CLECL1: variants seen among roughly 807,000 people sequenced by gnomAD.
The protein encoded by CLECL1 is C-type lectin-like domain family 1.
chr12:9,710,093 A>C, the CLECL1 span, among the ~76,000 whole-genome samples: 23 of 152,254 alleles, frequency 1.5e-4, no homozygotes, highest in African/African-American at 5.1e-4. Flanking sequence ...TTCTTTCAAC[A>C]GAGTGAAACA....
At chr12:9,729,934 G>C (rs1866426518) in intron 1 of CLECL1, among the ~76,000 whole-genome samples, 1 of 151,700 alleles carries the variant, frequency 6.6e-6, no homozygotes, top group Non-Finnish European at 1.5e-5. Context: ...TATGATCACT[G>C]TCTGTGTCTC....
intron 1 of CLECL1, among the ~76,000 whole-genome samples, chr12:9,732,554 T>C (rs999895121): frequency 6.6e-6 from 1 of 152,262 alleles, no homozygotes; most frequent in Non-Finnish European, 1.5e-5. Context: ...ACAATATGAG[T>C]AAATTGCCAC....
chr12:9,716,839 A>G lies in CLECL1; in HGVS notation n.153-63T>C, dbSNP rs542779330. ...TTCCCAAAACATTTGAGGCAAAACT[A>G]CTGAATGGATTATTATGGGACCATC... On this transcript the variant is annotated intron_variant and non_coding_transcript_variant, in intron 2 of 2. Transcript: ENST00000540988. The G allele has an allele frequency of 1.4e-4, 134 of 928,048 alleles. No individual in the cohort carries two copies. In the African/African-American group the frequency reaches 2.1e-3, roughly 14 times the overall value. 57.5% of individuals were successfully genotyped at this position (928,048 alleles called of 1,614,324 possible).
the CLECL1 span, among the ~76,000 whole-genome samples, chr12:9,708,271 C>T: frequency 1.3e-5 from 2 of 152,168 alleles, no homozygotes; most frequent in African/African-American, 4.8e-5. Context: ...GAATCTCTCC[C>T]ATTTTTGCCC....
upstream of CLECL1, among the ~76,000 whole-genome samples, chr12:9,734,026 C>T (rs922099292): frequency 3.9e-5 from 6 of 152,144 alleles, no homozygotes; most frequent in South Asian, 2.1e-4. Context: ...CCTGTGAAAC[C>T]GTCATAGGAC....
downstream of CLECL1, among the ~76,000 whole-genome samples, chr12:9,711,781 C>T (rs1207448746): frequency 6.6e-6 from 1 of 152,110 alleles, no homozygotes; most frequent in African/African-American, 2.4e-5. Context: ...CTTCTGGTCT[C>T]ATCTATGGGC....
upstream of CLECL1, among the ~76,000 whole-genome samples, chr12:9,734,150 T>C (rs1866488165): frequency 2.6e-5 from 4 of 152,262 alleles, no homozygotes; most frequent in South Asian, 8.3e-4. Context: ...AAGTGCATTC[T>C]GCAGAATTAA....
chr12:9,728,801 C>G (rs2121061877), intron 2 of CLECL1, among the ~76,000 whole-genome samples: 1 of 152,078 alleles, frequency 6.6e-6, no homozygotes, highest in Non-Finnish European at 1.5e-5. Flanking sequence ...GGGCTTCAGA[C>G]TGCTCATCTA....
chr12:9,722,751 C>G, exon 4 of CLECL1: 1 of 1,613,790 alleles, frequency 6.2e-7, no homozygotes, highest in African/African-American at 1.3e-5. Flanking sequence ...TAACATTTTC[C>G]CTTATGCACC....
At chr12:9,710,410 A>G in the CLECL1 span, among the ~76,000 whole-genome samples, 1 of 151,952 alleles carries the variant, frequency 6.6e-6, no homozygotes, top group Non-Finnish European at 1.5e-5. Flanking sequence ...CCATATTCTC[A>G]TGGCAGTTAG....
upstream of CLECL1, chr12:9,733,170 C>T (rs779484191): frequency 6.2e-7 from 1 of 1,613,938 alleles, no homozygotes; most frequent in Admixed American, 1.7e-5. Context: ...GGACTTCCTC[C>T]ATGAATAAAT....
At chr12:9,722,790 G>A in exon 4 of CLECL1, 2 of 1,611,204 alleles carry the variant, frequency 1.2e-6, no homozygotes, top group African/African-American at 1.3e-5. Flanking sequence ...CATGATTTAT[G>A]GACAGTAGAA....
chr12:9,731,841 C>T (rs1046890315), intron 1 of CLECL1, among the ~76,000 whole-genome samples: 6 of 152,084 alleles, frequency 3.9e-5, no homozygotes, highest in Non-Finnish European at 4.4e-5. Context: ...CCCTGGAATG[C>T]GGAATCAAAA....
intron 2 of CLECL1, among the ~76,000 whole-genome samples, chr12:9,728,757 G>C (rs1189926398): frequency 6.6e-6 from 1 of 151,918 alleles, no homozygotes; most frequent in Non-Finnish European, 1.5e-5. Flanking sequence ...CCATTGGCTA[G>C]TTACATTAAA....
chr12:9,712,329 A>G (rs1866205713), downstream of CLECL1, among the ~76,000 whole-genome samples: 1 of 152,306 alleles, frequency 6.6e-6, no homozygotes. Flanking sequence ...TCAACTACCT[A>G]TCTCACTCAG....
intron 1 of CLECL1, 37 bp downstream of exon 1, chr12:9,732,912 A>C (rs762736859): frequency 3.3e-6 from 5 of 1,503,808 alleles, no homozygotes; most frequent in Non-Finnish European, 4.5e-6. Flanking sequence ...TAACTAGTAA[A>C]ATCTTAATTC....
chr12:9,734,029 C>G (rs1184507763), upstream of CLECL1, among the ~76,000 whole-genome samples: 2 of 152,184 alleles, frequency 1.3e-5, no homozygotes, highest in African/African-American at 4.8e-5. Flanking sequence ...GTGAAACCGT[C>G]ATAGGACATA....
the CLECL1 span, among the ~76,000 whole-genome samples, chr12:9,708,617 G>A: frequency 6.6e-6 from 1 of 152,132 alleles, no homozygotes; most frequent in Non-Finnish European, 1.5e-5. Flanking sequence ...AACAGGCCCA[G>A]GGAACTCAAA....
intron 1 of CLECL1, among the ~76,000 whole-genome samples, chr12:9,731,867 C>G (rs888298556): frequency 1.3e-5 from 2 of 152,120 alleles, no homozygotes; most frequent in Admixed American, 1.3e-4. Context: ...GGTTTTGTTG[C>G]TTAAACTGAG....
Sources: allele counts gnomAD v4.1 joint callset (sites outside exome capture counted in the v4.1 genomes callset), GRCh38; gene constraint gnomAD v4.1.1; transcripts MANE v1.5; gene names NCBI Gene and HGNC (gene_info 2026-07-23, HGNC 2026-07-21).